Variants in SLC37A1 observed in about 807,000 individuals in gnomAD.
The protein encoded by SLC37A1 is glucose-6-phosphate exchanger SLC37A1.
SLC37A1 carries 49 observed loss-of-function variants against 75.3 expected under a neutral mutation model. The ratio of observed to expected loss-of-function variants is 0.65; its 90% CI spans 0.52 to 0.83. The LOEUF is 0.83. SLC37A1 is among the 40% of genes least tolerant of loss of function. The pLI, the probability that SLC37A1 is intolerant of heterozygous loss-of-function variation, is 0.00. For missense variants in SLC37A1, 566 were observed against 695.0 expected, an observed-to-expected ratio of 0.81 and a Z score of 2.09; for synonymous variants, 268 against 292.1, an observed-to-expected ratio of 0.92 and a Z score of 0.84.
chr21:42,533,746 C>T (rs189961967), intron 3 of SLC37A1, among the ~76,000 whole-genome samples: 1 of 152,298 alleles, frequency 6.6e-6, no homozygotes, highest in Admixed American at 6.5e-5. Context: ...GTCACGGGTC[C>T]CAGTGACTTC....
chr21:42,510,279 G>A (rs2054421722), upstream of SLC37A1, among the ~76,000 whole-genome samples: 1 of 152,164 alleles, frequency 6.6e-6, no homozygotes, highest in Admixed American at 6.5e-5. Flanking sequence ...GCCCGTCTCA[G>A]CCTCCCAAAG....
chr21:42,570,557 C>T (rs4920123), intron 17 of SLC37A1, among the ~76,000 whole-genome samples: 36,126 of 152,166 alleles, frequency 0.24, 5,367 homozygotes, highest in Non-Finnish European at 0.35. Context: ...GTTGTGACTG[C>T]GTGGCCTTCT....
At chr21:42,556,517 T>G (rs2146954918) in intron 10 of SLC37A1, among the ~76,000 whole-genome samples, 1 of 152,344 alleles carries the variant, frequency 6.6e-6, no homozygotes, top group Middle Eastern at 3.4e-3. Flanking sequence ...TCCCCCCACA[T>G]GCGTCTGTGT....
In SLC37A1 at chr21:42,552,236, A is replaced by AC. The variant is rs1293598356; in HGVS notation, c.769-1824dup. Among the ~76,000 whole-genome samples the AC allele has an allele frequency of 1.3e-5, 2 of 152,152 alleles. No homozygotes were observed. The highest frequency in any genetic ancestry group is 2.9e-5 in the Non-Finnish European group (2 of 68,032). Reference sequence around the variant, plus strand: ...TATCTATTTTGTGCCCTAATCTAGGACCTCATTGGGTCCAAAACCCTGTAT... The same window carrying AC: ...TATCTATTTTGTGCCCTAATCTAGGACCCTCATTGGGTCCAAAACCCTGTAT... On this transcript the variant is annotated intron_variant, in intron 9 of 19. Transcript: ENST00000352133. This position sits in a 1 kb window ranked among gnomAD's most constrained non-coding sequence, Gnocchi z 4.2.
At position 42,514,021 on chromosome 21, in the gene SLC37A1, C is replaced by T. The variant is rs2054473967; in HGVS notation, c.-875C>T. 1 of 148,954 alleles carries T rather than the reference C, an allele frequency of 6.7e-6. No individual in the cohort carries two copies. Among genetic ancestry groups the T allele is most frequent in the Admixed American group, 6.7e-5 (1 of 15,020 alleles). 9.2% of individuals were successfully genotyped at this position (148,954 alleles called of 1,614,324 possible). On this transcript the variant is annotated 5_prime_UTR_variant, in exon 1 of 20. Transcript: ENST00000352133. This position sits in a 1 kb window ranked among gnomAD's most constrained non-coding sequence, Gnocchi z 4.8. The stretch of plus-strand genomic sequence containing the variant: ...CCGGCGCTCAGGCGCCGCAGCCGCT[C>T]AGCACCTGCGGCGCCCTCAGGGAGC...
Position 42,535,491 on chromosome 21 carries a change from G to C in SLC37A1, c.291G>C (p.Gln97His). ...ATATAGATAAGAACAACTATCAGCA[G>C]CTGCTTGGGGCCCTGGACTACTCCT... is the stretch of plus-strand genomic sequence containing the variant. ...WAPFDKNNYQ[Q>H]LLGALDYSFL... The change falls in exon 5 of 20, where the codon CAG becomes CAC. Residue 97 changes from glutamine (Q) to histidine (H), a missense_variant. Coordinates refer to ENST00000352133, the MANE Select transcript of SLC37A1 (RefSeq NM_001320537.2). 3.1e-6 allele frequency: 5 copies of C among 1,614,196 alleles called. No individual in the cohort carries two copies. Among genetic ancestry groups the C allele is most frequent in the Non-Finnish European group, 4.2e-6 (5 of 1,180,010 alleles).
rs189977526 is a variant in SLC37A1 at position 42,538,783 on chromosome 21, C to A, written c.351-729C>A. ...AAGCTGGAGACTTTTTACCACCCCC[C>A]TCGAGGCTGTTTTAGTGAGGCGCTA... On this transcript the variant is annotated intron_variant, in intron 5 of 19. Coordinates refer to ENST00000352133, the MANE Select transcript of SLC37A1 (RefSeq NM_001320537.2). Among the ~76,000 whole-genome samples the A allele has an allele frequency of 1.2e-4, 19 of 152,210 alleles. No homozygotes were observed. The East Asian group carries it at 3.5e-3, about 28-fold the overall frequency.
intron 11 of SLC37A1, chr21:42,560,227 G>A (rs1427448344): frequency 6.6e-6 from 1 of 152,554 alleles, no homozygotes; most frequent in African/African-American, 2.4e-5. Flanking sequence ...TGTGCACAGG[G>A]TGTGGAGACA....
At chr21:42,530,341 C>T (rs903538487) in intron 3 of SLC37A1, among the ~76,000 whole-genome samples, 6 of 152,142 alleles carry the variant, frequency 3.9e-5, no homozygotes, top group Admixed American at 3.3e-4. Context: ...GTGTATAATG[C>T]ATTTCACGTG....
chr21:42,567,179 C>T, intron 16 of SLC37A1, 121 bp downstream of exon 16: 2 of 951,818 alleles, frequency 2.1e-6, no homozygotes, highest in South Asian at 1.5e-5. Flanking sequence ...TTTGGCAGCT[C>T]ACCTACACCT....
chr21:42,524,407 G>A (rs1313980182), intron 2 of SLC37A1, among the ~76,000 whole-genome samples: 3 of 151,986 alleles, frequency 2.0e-5, no homozygotes, highest in African/African-American at 7.3e-5. Context: ...TGACTCTTTC[G>A]GCTGCTTTTC....
upstream of SLC37A1, among the ~76,000 whole-genome samples, chr21:42,512,457 T>C (rs1192730212): frequency 6.6e-6 from 1 of 151,714 alleles, no homozygotes; most frequent in Non-Finnish European, 1.5e-5. Context: ...GTTGCACAAG[T>C]GCAGTGAGAG....
At chr21:42,530,654 A>ACACCCCCCC (rs1161313598) in intron 3 of SLC37A1, among the ~76,000 whole-genome samples, 20 of 35,870 alleles carry the variant, frequency 5.6e-4, no homozygotes, top group Non-Finnish European at 8.9e-4. Flanking sequence ...ACACACACAC[A>ACACCCCCCC]CCCCCTCTGT....
chr21:42,506,877 A>T (rs1280941275), intron 2 of SLC37A1, among the ~76,000 whole-genome samples: 2 of 152,194 alleles, frequency 1.3e-5, no homozygotes, highest in African/African-American at 4.8e-5. Context: ...ATCATATTCA[A>T]TAAGTTGCTT....
Sources: allele counts gnomAD v4.1 joint callset (sites outside exome capture counted in the v4.1 genomes callset), GRCh38; gene constraint gnomAD v4.1.1; non-coding constraint Gnocchi (gnomAD v3.1); transcripts MANE v1.5; gene names NCBI Gene and HGNC (gene_info 2026-07-23, HGNC 2026-07-21).